KDM2A: variants seen among roughly 807,000 people sequenced by gnomAD.
KDM2A encodes lysine demethylase 2A.
A neutral mutation model predicts 137.3 loss-of-function variants in KDM2A; 3 were observed. The observed-to-expected ratio is 0.02, with a 90% CI of 0.01 to 0.06. The LOEUF (loss-of-function observed/expected upper bound fraction) is 0.06. KDM2A is among the 10% of genes least tolerant of loss of function. The pLI is 1.00. For synonymous variants in KDM2A, 512 were observed against 541.5 expected (o/e 0.95, Z 0.76); for missense variants, 738 against 1,510.6 (o/e 0.49, Z 8.48).
intron 2 of KDM2A, among the ~76,000 whole-genome samples, chr11:67,170,995 C>T (rs1856870079): frequency 6.6e-6 from 1 of 152,054 alleles, no homozygotes; most frequent in Non-Finnish European, 1.5e-5. Flanking sequence ...CTTTCATTTT[C>T]CTTGCTTTGG....
At chr11:67,240,407 G>T in intron 12 of KDM2A, 2 of 1,515,400 alleles carry the variant, frequency 1.3e-6, no homozygotes, top group South Asian at 2.4e-5. Flanking sequence ...CTGGTTTGGG[G>T]TGCGTGTAAC....
intron 2 of KDM2A, among the ~76,000 whole-genome samples, chr11:67,136,682 C>T (rs892669421): frequency 3.9e-5 from 6 of 152,092 alleles, no homozygotes; most frequent in African/African-American, 7.2e-5. Context: ...TTGTGATGTT[C>T]AGGGGTTCTG....
intron 2 of KDM2A, among the ~76,000 whole-genome samples, chr11:67,123,855 T>A (rs1224195349): frequency 1.3e-5 from 2 of 152,018 alleles, no homozygotes; most frequent in Non-Finnish European, 2.9e-5. Context: ...TTTTGTATTT[T>A]TAGTAAAGAC....
chr11:67,174,715 A>C (rs111889162), intron 2 of KDM2A, among the ~76,000 whole-genome samples: 17 of 152,328 alleles, frequency 1.1e-4, no homozygotes, highest in African/African-American at 3.8e-4. Flanking sequence ...AAGACATTTA[A>C]AATTCTTCAT....
At chr11:67,199,817 A>G (rs1485983632) in intron 5 of KDM2A, among the ~76,000 whole-genome samples, 1 of 152,234 alleles carries the variant, frequency 6.6e-6, no homozygotes, top group Non-Finnish European at 1.5e-5. Flanking sequence ...TTTCCATGTA[A>G]ATGAAACAGC....
At chr11:67,147,709 G>A (rs1332412792) in intron 2 of KDM2A, among the ~76,000 whole-genome samples, 2 of 149,626 alleles carry the variant, frequency 1.3e-5, no homozygotes, top group Admixed American at 6.7e-5. Flanking sequence ...ATGGAGTCTT[G>A]CAGTGTCGCC....
chr11:67,126,590 C>G (rs1855736659), intron 2 of KDM2A, among the ~76,000 whole-genome samples: 2 of 151,846 alleles, frequency 1.3e-5, no homozygotes, highest in South Asian at 4.2e-4. Context: ...CGCCTGTAGT[C>G]CCAGCTACTC....
rs573271901 is a variant in KDM2A at position 67,255,212 on chromosome 11, G to A, written c.*157G>A. The A allele has an allele frequency of 1.7e-5, 11 of 660,260 alleles. No homozygotes were observed. The African/African-American group carries it at 1.8e-4, about 11-fold the overall frequency. 40.9% of individuals were successfully genotyped at this position (660,260 alleles called of 1,614,324 possible). A position where few individuals can be genotyped will look rare whatever the true frequency, so the allele number is the denominator to read the frequency against. ...CCTTCCTCTACAGGTGGGGCAGAGA[G>A]GGTGGTGGACACCAGGCTTATCTGC... On this transcript the variant is annotated 3_prime_UTR_variant, in exon 21 of 21. Coordinates refer to ENST00000529006, the MANE Select transcript of KDM2A (RefSeq NM_012308.3).
intron 5 of KDM2A, among the ~76,000 whole-genome samples, chr11:67,187,212 A>G (rs1283197365): frequency 2.6e-5 from 4 of 152,232 alleles, no homozygotes; most frequent in African/African-American, 9.6e-5. Context: ...GTATCTAAGT[A>G]CAAAAGAAAA....
At position 67,245,799 on chromosome 11, in the gene KDM2A, T is replaced by C. The variant is rs895115648; in HGVS notation, c.1834-186T>C. On this transcript the variant is annotated intron_variant, in intron 14 of 20. Transcript: ENST00000529006. The surrounding 1 kb of genome is among the most constrained non-coding windows in gnomAD (Gnocchi z 4.1). ...AAACTAGTCTCTGGTGCCCAGGTGG[T>C]TGAGTCCTCCTCTTCCCCAGTCATT... The C allele has an allele frequency of 1.5e-6, 1 of 677,652 alleles. No homozygotes were observed. The highest frequency in any genetic ancestry group is 2.4e-6 in the Non-Finnish European group (1 of 411,848). 42.0% of individuals were successfully genotyped at this position (677,652 alleles called of 1,614,324 possible).
intron 2 of KDM2A, among the ~76,000 whole-genome samples, chr11:67,157,620 C>G (rs1010357801): frequency 2.6e-5 from 4 of 151,634 alleles, no homozygotes; most frequent in Non-Finnish European, 4.4e-5. Flanking sequence ...TGGCACGCGC[C>G]TGAAATCCCA....
intron 5 of KDM2A, among the ~76,000 whole-genome samples, chr11:67,193,737 T>A (rs1857411394): frequency 1.3e-5 from 2 of 152,162 alleles, no homozygotes; most frequent in South Asian, 4.1e-4. Flanking sequence ...GGCAGGCGCC[T>A]CTACTCCCAA....
intron 17 of KDM2A, among the ~76,000 whole-genome samples, chr11:67,251,313 T>TC (rs1237236430): frequency 1.3e-5 from 2 of 152,196 alleles, no homozygotes; most frequent in Non-Finnish European, 2.9e-5. Flanking sequence ...TTAATGCTCA[T>TC]CCCCCCAAAC....
chr11:67,188,963 A>G (rs1265310099), intron 5 of KDM2A, among the ~76,000 whole-genome samples: 1 of 152,190 alleles, frequency 6.6e-6, no homozygotes, highest in Non-Finnish European at 1.5e-5. Flanking sequence ...ATTTCTATAC[A>G]GTAATACCTG....
At chr11:67,135,125 A>T (rs1024385108) in intron 2 of KDM2A, among the ~76,000 whole-genome samples, 1 of 150,644 alleles carries the variant, frequency 6.6e-6, no homozygotes, top group South Asian at 2.1e-4. Flanking sequence ...CTGGAGTGCA[A>T]TGGCGCGATC....
At chr11:67,165,945 G>C (rs1433322058) in intron 2 of KDM2A, among the ~76,000 whole-genome samples, 1 of 151,966 alleles carries the variant, frequency 6.6e-6, no homozygotes, top group Non-Finnish European at 1.5e-5. Context: ...TTATATTCTA[G>C]GAACTAAATT....
chr11:67,181,176 C>T (rs1857084553), intron 3 of KDM2A, 144 bp from the exon 4 acceptor site: 3 of 457,468 alleles, frequency 6.6e-6, no homozygotes, highest in Admixed American at 3.8e-5. Flanking sequence ...TCTTACTAAG[C>T]ATATATTTTA....
At chr11:67,166,646 A>G (rs12275826) in intron 2 of KDM2A, among the ~76,000 whole-genome samples, 13,131 of 152,044 alleles carry the variant, frequency 0.086, 1,913 homozygotes, top group African/African-American at 0.3. Flanking sequence ...GATCTCTTGA[A>G]GCAAGGAGTT....
At chr11:67,176,800 A>C (rs1856980178) in intron 2 of KDM2A, among the ~76,000 whole-genome samples, 1 of 152,192 alleles carries the variant, frequency 6.6e-6, no homozygotes, top group Admixed American at 6.5e-5. Flanking sequence ...AGGCAAAAAA[A>C]ATGGTATACC....
Sources: allele counts gnomAD v4.1 joint callset (sites outside exome capture counted in the v4.1 genomes callset), GRCh38; gene constraint gnomAD v4.1.1; non-coding constraint Gnocchi (gnomAD v3.1); transcripts MANE v1.5; gene names NCBI Gene and HGNC (gene_info 2026-07-23, HGNC 2026-07-21).